Variants in CERS1 observed in about 807,000 individuals in gnomAD.
CERS1 encodes Embryonic growth/differentiation factor 1.
CERS1 carries 16 observed loss-of-function variants against 35.7 expected under a neutral mutation model. The ratio of observed to expected loss-of-function variants is 0.45; its 90% CI spans 0.30 to 0.68. The LOEUF (loss-of-function observed/expected upper bound fraction) is 0.68. CERS1 is among the 30% of genes least tolerant of loss of function. CERS1 has a pLI of 0.08. For synonymous variants in CERS1, 243 were observed against 201.6 expected (o/e 1.21, Z -1.74); for missense variants, 454 against 453.9 (o/e 1.00, Z 0.00).
At position 18,869,000 on chromosome 19, in the gene CERS1, G is replaced by A; in HGVS notation, c.*985C>T. On this transcript the variant is annotated 3_prime_UTR_variant, in exon 8 of 8. Coordinates refer to ENST00000623882, the MANE Select transcript of CERS1 (RefSeq NM_021267.5). ...GGGGTGGCACAGGCGCGGGTCGAGG[G>A]TCACCAGCAGCAGCGAGGCCTCGGC... 1 of 1,102,524 alleles carries A rather than the reference G, an allele frequency of 9.1e-7. No individual in the cohort carries two copies. The highest frequency in any genetic ancestry group is 1.1e-6 in the Non-Finnish European group (1 of 905,970). 68.3% of individuals were successfully genotyped at this position (1,102,524 alleles called of 1,614,324 possible).
chr19:18,894,079 G>A (rs2056564563), intron 1 of CERS1, among the ~76,000 whole-genome samples: 1 of 151,760 alleles, frequency 6.6e-6, no homozygotes, highest in African/African-American at 2.4e-5. Context: ...CTAGGGGGAA[G>A]GTGTGGCGGG....
intron 6 of CERS1, among the ~76,000 whole-genome samples, chr19:18,877,066 T>A (rs1379820866): frequency 2.0e-5 from 3 of 152,182 alleles, no homozygotes; most frequent in African/African-American, 7.2e-5. Flanking sequence ...TCCCATCCTG[T>A]TTTATACCCA....
Position 18,895,946 on chromosome 19 carries a change from C to A in CERS1, c.127G>T (p.Gly43Trp), listed in dbSNP as rs2146084556. The A allele has an allele frequency of 1.7e-6, 2 of 1,170,870 alleles. No individual in the cohort carries two copies. Among genetic ancestry groups the A allele is most frequent in the Non-Finnish European group, 2.1e-6 (2 of 946,488 alleles). The allele number at this position is 1,170,870 out of a possible 1,614,324, so 72.5% of individuals were successfully genotyped here. A position where few individuals can be genotyped will look rare whatever the true frequency, so the allele number is the denominator to read the frequency against. ...AARGCTDCGW[G>W]LARRGLAEHA... ...TCAGCCAGGCCGCGACGCGCCAGCC[C>A]CCAGCCGCAGTCCGTGCAGCCCCGC... Residue 43 changes from glycine (G) to tryptophan (W), a missense_variant, in exon 1 of 8, where the codon GGG (glycine) becomes TGG (tryptophan). Transcript: ENST00000623882. This position sits in a 1 kb window ranked among gnomAD's most constrained non-coding sequence, Gnocchi z 6.4.
In CERS1 at chr19:18,896,122, C is replaced by T. The variant is rs2146085605; in HGVS notation, c.-50G>A. The T allele has an allele frequency of 1.3e-6, 1 of 741,948 alleles. No homozygotes were observed. Among genetic ancestry groups the T allele is most frequent in the South Asian group, 6.0e-5 (1 of 16,790 alleles). The allele number at this position is 741,948 out of a possible 1,614,324, so 46.0% of individuals were successfully genotyped here. ...GTCGCCTGCGCCCGCCCGCGGTAGC[C>T]GACGGAGCCGCGCGCCCCGCGTCAC... On this transcript the variant is annotated 5_prime_UTR_variant, in exon 1 of 8. Transcript: ENST00000623882. This position sits in a 1 kb window ranked among gnomAD's most constrained non-coding sequence, Gnocchi z 5.9.
At chr19:18,874,694 G>A (rs113900691) in intron 6 of CERS1, among the ~76,000 whole-genome samples, 1 of 152,216 alleles carries the variant, frequency 6.6e-6, no homozygotes, top group African/African-American at 2.4e-5. Flanking sequence ...CGTCAGTGTA[G>A]GAGAGAAGGG....
chr19:18,870,810 T>C lies in CERS1; in HGVS notation c.1011-191A>G, dbSNP rs1438648495. On this transcript the variant is annotated intron_variant, in intron 6 of 7. Coordinates refer to ENST00000623882, the MANE Select transcript of CERS1 (RefSeq NM_021267.5). The surrounding 1 kb of genome is among the most constrained non-coding windows in gnomAD (Gnocchi z 5.1). ...CCTTCACCCTGCCCCTCCTTCAACCTGCCCCGTAGGCACGTATGTCCCCCC... is the reference window on the plus strand; with the variant it reads ...CCTTCACCCTGCCCCTCCTTCAACCCGCCCCGTAGGCACGTATGTCCCCCC... Among the ~76,000 whole-genome samples, 1 of 151,174 alleles carries C rather than the reference T, an allele frequency of 6.6e-6. No individual in the cohort carries two copies. The highest frequency in any genetic ancestry group is 1.5e-5 in the Non-Finnish European group (1 of 67,826).
intron 3 of CERS1, chr19:18,882,143 C>G (rs1168844799): frequency 1.9e-5 from 3 of 154,254 alleles, no homozygotes; most frequent in Non-Finnish European, 2.9e-5. Context: ...TTCAAATGAA[C>G]TGTTCCTTCC....
At position 18,879,407 on chromosome 19, in the gene CERS1, G is replaced by C; in HGVS notation, c.753-19C>G. On this transcript the variant is annotated intron_variant, in intron 4 of 7. Coordinates refer to ENST00000623882, the MANE Select transcript of CERS1 (RefSeq NM_021267.5). ...CCAGAACCTGCGGTGGGAGGAGTCA[G>C]GAGGCCGTGGGTGGAGGGGGACGGT... The C allele has an allele frequency of 6.4e-7, 1 of 1,553,046 alleles. No homozygotes were observed. Among genetic ancestry groups the C allele is most frequent in the Non-Finnish European group, 8.7e-7 (1 of 1,148,162 alleles).
intron 6 of CERS1, among the ~76,000 whole-genome samples, chr19:18,875,858 C>T (rs2056051661): frequency 6.6e-6 from 1 of 152,138 alleles, no homozygotes; most frequent in Admixed American, 6.5e-5. Context: ...ACAAGAAATG[C>T]CTGGAGCCAC....
At position 18,895,267 on chromosome 19, in the gene CERS1, G is replaced by A. The variant is rs932686509; in HGVS notation, c.249+557C>T. Among the ~76,000 whole-genome samples, 3 of 152,322 alleles carry A rather than the reference G, an allele frequency of 2.0e-5. No homozygotes were observed. Among genetic ancestry groups the A allele is most frequent in the African/African-American group, 2.4e-5 (1 of 41,578 alleles). On this transcript the variant is annotated intron_variant, in intron 1 of 7. Transcript: ENST00000623882. This position sits in a 1 kb window ranked among gnomAD's most constrained non-coding sequence, Gnocchi z 6.4. ...TCTTCCCGATTACAGCGGGCAAGCC[G>A]GCCCCGCCGCCGCACGGACCCAGCA...
intron 6 of CERS1, among the ~76,000 whole-genome samples, chr19:18,875,786 G>C (rs1255453092): frequency 6.6e-6 from 1 of 152,156 alleles, no homozygotes; most frequent in Non-Finnish European, 1.5e-5. Flanking sequence ...AAGAGAGACA[G>C]AAAAGAAGAA....
chr19:18,884,334 G>A (rs1217706776), intron 2 of CERS1, 67 bp from the exon 3 acceptor site: 2 of 1,475,782 alleles, frequency 1.4e-6, no homozygotes, highest in East Asian at 2.4e-5. Flanking sequence ...CCATGACCCG[G>A]TGACACCCTC....
intron 2 of CERS1, 124 bp downstream of exon 2, chr19:18,893,292 T>C (rs534679654): frequency 1.7e-5 from 19 of 1,087,572 alleles, no homozygotes; most frequent in Middle Eastern, 2.4e-4. Flanking sequence ...ATAGCTCCCC[T>C]TGGCCTCCAA....
rs945025237 is a variant in CERS1, at chr19:18,868,681, G to A, written c.*1304C>T. The A allele has an allele frequency of 3.2e-6, 5 of 1,570,502 alleles. No individual in the cohort carries two copies. In the Admixed American group the frequency reaches 5.6e-5, roughly 17 times the overall value. On this transcript the variant is annotated 3_prime_UTR_variant, in exon 8 of 8. Transcript: ENST00000623882. ...CGCTGTTGTCAAAGAAGAGCACGGA[G>A]ATGGGCGACAGGCGCGCGGGCACGC...
chr19:18,869,372 G>A lies in CERS1; in HGVS notation c.*613C>T, dbSNP rs776966639. The A allele has an allele frequency of 3.9e-6, 6 of 1,529,848 alleles. No homozygotes were observed. Among genetic ancestry groups the A allele is most frequent in the South Asian group, 1.2e-5 (1 of 83,892 alleles). 94.8% of individuals were successfully genotyped at this position (1,529,848 alleles called of 1,614,324 possible). On this transcript the variant is annotated 3_prime_UTR_variant, in exon 8 of 8. Coordinates refer to ENST00000623882, the MANE Select transcript of CERS1 (RefSeq NM_021267.5). ...ATGCCCCGCGGCCGAGGCAGGCTCC[G>A]AGGCCCGGGTGGGCGCACCTGGGGA...
intron 4 of CERS1, among the ~76,000 whole-genome samples, chr19:18,879,652 C>T (rs1230008827): frequency 6.7e-6 from 1 of 148,336 alleles, no homozygotes; most frequent in Non-Finnish European, 1.5e-5. Flanking sequence ...CCTCCCCTTC[C>T]CAGTCCCTCC....
intron 2 of CERS1, among the ~76,000 whole-genome samples, chr19:18,887,731 T>G (rs2056395105): frequency 7.7e-6 from 1 of 129,236 alleles, no homozygotes; most frequent in Non-Finnish European, 1.6e-5. Context: ...GCAGCAAGAG[T>G]GAAACTCCAT....
intron 2 of CERS1, among the ~76,000 whole-genome samples, chr19:18,889,925 A>G (rs2056451079): frequency 6.6e-6 from 1 of 152,094 alleles, no homozygotes; most frequent in African/African-American, 2.4e-5. Context: ...TCTGCCTTCT[A>G]AACATTTCTA....
At chr19:18,880,590 C>T (rs2056180625) in intron 3 of CERS1, among the ~76,000 whole-genome samples, 155 bp from the exon 4 acceptor site, 1 of 152,034 alleles carries the variant, frequency 6.6e-6, no homozygotes, top group South Asian at 2.1e-4. Context: ...TGCCCATCTC[C>T]ACTTCCCAGG....
Sources: gnomAD v4.1 joint callset for allele counts (sites outside exome capture counted in the v4.1 genomes callset) on GRCh38, gnomAD v4.1.1 for gene constraint, Gnocchi (gnomAD v3.1) non-coding constraint, MANE v1.5 for transcripts, NCBI Gene and HGNC (gene_info 2026-07-23, HGNC 2026-07-21) for gene names.